Variants in FAM13B observed in about 807,000 individuals in gnomAD.
FAM13B encodes the protein family with sequence similarity 13 member B, also known as protein FAM13B.
In FAM13B, 60 loss-of-function variants were observed where a neutral mutation model predicts 117.3. That is an observed-to-expected ratio of 0.51 (90% CI 0.42 to 0.63). FAM13B has a LOEUF of 0.63. Among genes scored for constraint, FAM13B ranks in the 30% least tolerant of loss-of-function variants. The pLI, the probability that FAM13B is intolerant of heterozygous loss-of-function variation, is 0.00. For synonymous variants in FAM13B, 332 were observed against 356.1 expected (o/e 0.93, Z 0.76); for missense variants, 972 against 1,091.9 (o/e 0.89, Z 1.55).
At chr5:137,948,374 A>G (rs897562316) in intron 18 of FAM13B, among the ~76,000 whole-genome samples, 2 of 152,120 alleles carry the variant, frequency 1.3e-5, no homozygotes, top group Non-Finnish European at 2.9e-5. Context: ...ACAGGATTCA[A>G]GCTAAGGTCT....
intron 7 of FAM13B, among the ~76,000 whole-genome samples, chr5:138,000,943 C>CA (rs77100079): frequency 7.1e-4 from 100 of 141,398 alleles, no homozygotes; most frequent in African/African-American, 2.0e-3. Context: ...AAACAAAAAA[C>CA]AAAAAAAAAA....
chr5:138,027,182 T>C lies in FAM13B; in HGVS notation c.-203+5600A>G, dbSNP rs187873315. The stretch of plus-strand genomic sequence containing the variant: ...GAAGTAAAAAAGTTCTACCTTCAAA[T>C]AGAATAGGAAGAAACAATAAAACTC... On this transcript the variant is annotated intron_variant, in intron 1 of 23. Coordinates refer to ENST00000689681, the MANE Select transcript of FAM13B (RefSeq NM_001385994.1). 5.3e-5 allele frequency among the ~76,000 whole-genome samples: 8 copies of C among 152,158 alleles called. No homozygotes were observed. In the East Asian group the frequency reaches 1.5e-3, roughly 29 times the overall value.
intron 4 of FAM13B, among the ~76,000 whole-genome samples, chr5:138,017,489 G>A (rs1785557319): frequency 6.6e-6 from 1 of 152,058 alleles, no homozygotes; most frequent in Non-Finnish European, 1.5e-5. Context: ...AAAAATAAAT[G>A]AACTCCATAA....
At chr5:138,036,000 A>C (rs1210819861), upstream of FAM13B, among the ~76,000 whole-genome samples, 1 of 152,096 alleles carries the variant, frequency 6.6e-6, no homozygotes. Context: ...CGCACCTCCA[A>C]CTACTTGTCT....
intron 19 of FAM13B, 84 bp downstream of exon 19, chr5:137,946,144 G>A: frequency 1.5e-6 from 2 of 1,321,644 alleles, no homozygotes; most frequent in South Asian, 1.3e-5. Context: ...TCAAAAAACA[G>A]CCCTGAAGAA....
At chr5:138,045,532 C>G (rs1480885658) in intron 1 of FAM13B, among the ~76,000 whole-genome samples, 1 of 150,572 alleles carries the variant, frequency 6.6e-6, no homozygotes, top group Admixed American at 6.6e-5. Flanking sequence ...GACCCCATCT[C>G]AAAAACAAAA....
chr5:137,964,165 C>T (rs967864440), intron 10 of FAM13B, among the ~76,000 whole-genome samples: 2 of 152,146 alleles, frequency 1.3e-5, no homozygotes, highest in African/African-American at 4.8e-5. Flanking sequence ...TCAAGCGATT[C>T]TCCTGCCTCA....
At chr5:138,036,544 T>C, upstream of FAM13B, 1 of 456,722 alleles carries the variant, frequency 2.2e-6, no homozygotes, top group Non-Finnish European at 4.4e-6. Flanking sequence ...CTCCCTCGAC[T>C]TGAAGTAAAA....
rs1760806515 is a variant in FAM13B at position 137,938,615 on chromosome 5, C to T, written c.*1610G>A. On this transcript the variant is annotated 3_prime_UTR_variant, in exon 24 of 24. Coordinates refer to ENST00000689681, the MANE Select transcript of FAM13B (RefSeq NM_001385994.1). Reference sequence around the variant, plus strand: ...GGATTTAGTGCTTTTCTTTATTCCCCAACTACACATTCACTACCAGGTTTT... The same window carrying T: ...GGATTTAGTGCTTTTCTTTATTCCCTAACTACACATTCACTACCAGGTTTT... 6.6e-6 allele frequency: 1 copy of T among 152,390 alleles called. No homozygotes were observed. The highest frequency in any genetic ancestry group is 6.6e-5 in the Admixed American group (1 of 15,260). The allele number at this position is 152,390 out of a possible 1,614,324, so 9.4% of individuals were successfully genotyped here.
intron 11 of FAM13B, 76 bp downstream of exon 11, chr5:137,962,329 A>G (rs889029722): frequency 4.6e-5 from 58 of 1,273,868 alleles, no homozygotes; most frequent in Non-Finnish European, 3.6e-5. Context: ...ACATTCATCT[A>G]AAAAAATCAC....
intron 4 of FAM13B, among the ~76,000 whole-genome samples, chr5:138,015,422 G>T (rs1451571741): frequency 6.6e-6 from 1 of 152,226 alleles, no homozygotes; most frequent in Non-Finnish European, 1.5e-5. Flanking sequence ...TTTATCTACA[G>T]CTGGGTGCCA....
intron 20 of FAM13B, among the ~76,000 whole-genome samples, chr5:137,944,056 A>G (rs976905227): frequency 4.6e-5 from 7 of 152,142 alleles, no homozygotes; most frequent in Non-Finnish European, 8.8e-5. Context: ...GGTAACCACT[A>G]ATCTAAATTC....
At chr5:138,025,645 C>T (rs954549100) in intron 1 of FAM13B, among the ~76,000 whole-genome samples, 1 of 152,136 alleles carries the variant, frequency 6.6e-6, no homozygotes, top group African/African-American at 2.4e-5. Context: ...GCAGCACACA[C>T]ACCCCTTTTT....
intron 10 of FAM13B, among the ~76,000 whole-genome samples, chr5:137,970,714 C>T (rs947913449): frequency 6.6e-6 from 1 of 152,104 alleles, no homozygotes; most frequent in African/African-American, 2.4e-5. Flanking sequence ...TTCAGGAAAC[C>T]CATCTCACGG....
At chr5:138,031,952 C>T (rs1790175337) in intron 1 of FAM13B, among the ~76,000 whole-genome samples, 1 of 152,204 alleles carries the variant, frequency 6.6e-6, no homozygotes, top group Non-Finnish European at 1.5e-5. Context: ...TGCATTACTA[C>T]TGGTAATGAT....
chr5:138,008,512 T>C (rs1165944031), intron 6 of FAM13B, among the ~76,000 whole-genome samples: 3 of 152,160 alleles, frequency 2.0e-5, no homozygotes, highest in African/African-American at 7.2e-5. Flanking sequence ...TATTCACACA[T>C]CCCTACTTGT....
intron 1 of FAM13B, among the ~76,000 whole-genome samples, chr5:138,029,573 A>T (rs1308812804): frequency 6.6e-6 from 1 of 152,174 alleles, no homozygotes; most frequent in African/African-American, 2.4e-5. Flanking sequence ...CATCTTACCT[A>T]ATTCTAAATT....
At position 137,953,296 on chromosome 5, in the gene FAM13B, T is replaced by C. The variant is rs747375378; in HGVS notation, c.1848+40A>G. On this transcript the variant is annotated intron_variant, in intron 16 of 23. Coordinates refer to ENST00000689681, the MANE Select transcript of FAM13B (RefSeq NM_001385994.1). ...TGAAAAACTATCCTCTCAGTTCTAA[T>C]ATTAGATTAAGCTCACTCTGGGGAA... 11 of 1,606,500 alleles carry C rather than the reference T, an allele frequency of 6.8e-6. No individual in the cohort carries two copies. In the African/African-American group the frequency reaches 1.1e-4, roughly 16 times the overall value.
At chr5:137,989,847 A>T (rs1322373056) in intron 7 of FAM13B, among the ~76,000 whole-genome samples, 3 of 151,992 alleles carry the variant, frequency 2.0e-5, no homozygotes, top group African/African-American at 7.3e-5. Context: ...AAAATAAAAC[A>T]ACTAAAGTTT....
Sources: gnomAD v4.1 joint callset for allele counts (sites outside exome capture counted in the v4.1 genomes callset) on GRCh38, gnomAD v4.1.1 for gene constraint, MANE v1.5 for transcripts, NCBI Gene and HGNC (gene_info 2026-07-23, HGNC 2026-07-21) for gene names.